DYRK4: variants seen among roughly 807,000 people sequenced by gnomAD.
DYRK4 encodes dual specificity tyrosine-phosphorylation-regulated kinase 4.
DYRK4 carries 64 observed loss-of-function variants against 68.3 expected under a neutral mutation model. The observed-to-expected ratio is 0.94, with a 90% CI of 0.77 to 1.15. The LOEUF is 1.15. DYRK4 is among the 50% of genes most tolerant of loss of function. The pLI, the probability that DYRK4 is intolerant of heterozygous loss-of-function variation, is 0.00. For missense variants in DYRK4, 740 were observed against 764.7 expected, an observed-to-expected ratio of 0.97 and a Z score of 0.38; for synonymous variants, 274 against 289.9, an observed-to-expected ratio of 0.95 and a Z score of 0.56.
At chr12:4,592,025 T>A (rs978592058) in intron 5 of DYRK4, among the ~76,000 whole-genome samples, 1 of 151,760 alleles carries the variant, frequency 6.6e-6, no homozygotes, top group Non-Finnish European at 1.5e-5. Flanking sequence ...AGAGCCCAAA[T>A]CCACCGAGCA....
intron 8 of DYRK4, 145 bp from the exon 9 acceptor site, chr12:4,598,883 A>G (rs2137381568): frequency 1.2e-6 from 1 of 844,438 alleles, no homozygotes; most frequent in Non-Finnish European, 1.9e-6. Flanking sequence ...AGCTGAGTCT[A>G]TAAGGGCATG....
In DYRK4 at chr12:4,610,251, C is replaced by T. The variant is rs779385374; in HGVS notation, c.1457C>T (p.Thr486Ile). 1.0e-5 allele frequency: 16 copies of T among 1,588,512 alleles called. No homozygotes were observed. In the East Asian group the frequency reaches 1.9e-4, roughly 18 times the overall value. ...DLTMVLKTYD[T>I]SFLDFLRRCL... ...ACGATGGTGCTGAAAACCTATGACA[C>T]CAGCTTCCTGGACTTTCTCAGAAGG... is the stretch of plus-strand genomic sequence containing the variant. Residue 486 changes from threonine to isoleucine, a missense_variant, in exon 13 of 15, where the codon ACC becomes ATC. Physicochemically the swap from Thr to Ile is moderately conservative, Grantham distance 89. Coordinates refer to ENST00000543431, the MANE Select transcript of DYRK4 (RefSeq NM_001394779.1).
At chr12:4,585,439 T>C (rs1944886486) in intron 2 of DYRK4, among the ~76,000 whole-genome samples, 1 of 152,352 alleles carries the variant, frequency 6.6e-6, no homozygotes, top group Non-Finnish European at 1.5e-5. Flanking sequence ...AATGGTATAC[T>C]ATGCAGCCAT....
intron 5 of DYRK4, among the ~76,000 whole-genome samples, chr12:4,592,185 C>A (rs1944963819): frequency 6.6e-6 from 1 of 152,196 alleles, no homozygotes; most frequent in Non-Finnish European, 1.5e-5. Flanking sequence ...CACAGAGCTG[C>A]CATCTGCCCC....
intron 2 of DYRK4, among the ~76,000 whole-genome samples, chr12:4,585,739 G>T: frequency 6.6e-6 from 1 of 152,170 alleles, no homozygotes; most frequent in East Asian, 1.9e-4. Flanking sequence ...TAACAAACCT[G>T]CACGTTGTGC....
chr12:4,590,528 G>A, intron 4 of DYRK4, 88 bp downstream of exon 4: 1 of 1,492,270 alleles, frequency 6.7e-7, no homozygotes, highest in Non-Finnish European at 8.9e-7. Context: ...CAGGATAGTG[G>A]GGAAAAGCAC....
chr12:4,589,072 G>A, intron 3 of DYRK4, 55 bp downstream of exon 3: 3 of 1,502,890 alleles, frequency 2.0e-6, no homozygotes, highest in Non-Finnish European at 2.7e-6. Context: ...AGAGGTGGGT[G>A]GCCAGGGTAG....
intron 6 of DYRK4, among the ~76,000 whole-genome samples, chr12:4,594,709 C>CTTT (rs57307639): frequency 6.8e-6 from 1 of 146,324 alleles, no homozygotes; most frequent in Non-Finnish European, 1.5e-5. Context: ...TTAGAAAAGC[C>CTTT]TTTTTTTTTT....
At chr12:4,594,516 G>A (rs771985975) in intron 6 of DYRK4, among the ~76,000 whole-genome samples, 2 of 152,150 alleles carry the variant, frequency 1.3e-5, no homozygotes, top group East Asian at 1.9e-4. Context: ...GAGCCACTGC[G>A]CCTGGCTGGG....
chr12:4,564,114 A>G (rs1944654361), intron 1 of DYRK4, among the ~76,000 whole-genome samples: 1 of 152,202 alleles, frequency 6.6e-6, no homozygotes, highest in African/African-American at 2.4e-5. Flanking sequence ...TCAGGGATAT[A>G]TGCAGAGGGT....
In DYRK4 at chr12:4,613,760, C is replaced by G. The variant is rs1945258035; in HGVS notation, c.*7C>G. The G allele has an allele frequency of 4.5e-6, 7 of 1,541,716 alleles. No homozygotes were observed. Among genetic ancestry groups the G allele is most frequent in the Non-Finnish European group, 6.2e-6 (7 of 1,136,900 alleles). ...TTTACCCCCTATTGTATGACCTTTG[C>G]TGAGGGTATGTCCTGCTCCTTTCCA... On this transcript the variant is annotated 3_prime_UTR_variant, in exon 15 of 15. Coordinates refer to ENST00000543431, the MANE Select transcript of DYRK4 (RefSeq NM_001394779.1). This position sits in a 1 kb window ranked among gnomAD's most constrained non-coding sequence, Gnocchi z 4.0.
intron 13 of DYRK4, 183 bp downstream of exon 13, chr12:4,610,467 A>C (rs1397247040): frequency 3.7e-6 from 2 of 540,964 alleles, no homozygotes; most frequent in African/African-American, 3.9e-5. Flanking sequence ...ATCTCTCCCT[A>C]CTGTGTGGTT....
intron 12 of DYRK4, among the ~76,000 whole-genome samples, chr12:4,609,476 A>G (rs2137407520): frequency 6.6e-6 from 1 of 152,290 alleles, no homozygotes; most frequent in East Asian, 1.9e-4. Flanking sequence ...TGGGCTGCCA[A>G]CTGCTCCTCT....
intron 1 of DYRK4, among the ~76,000 whole-genome samples, chr12:4,564,838 A>AT: frequency 6.6e-6 from 1 of 152,350 alleles, no homozygotes; most frequent in Non-Finnish European, 1.5e-5. Context: ...AAAATGCAGG[A>AT]TCACCATCTA....
At chr12:4,602,605 G>T in intron 10 of DYRK4, 1 of 1,336,098 alleles carries the variant, frequency 7.5e-7, no homozygotes, top group Non-Finnish European at 1.1e-6. Flanking sequence ...CTTTGCTGCA[G>T]AATCTTCTTT....
Position 4,593,036 on chromosome 12 carries a change from A to C in DYRK4, c.498A>C (p.Pro166=). The change falls in exon 6 of 15, where the codon CCA becomes CCC. Residue 166 remains proline, a synonymous_variant. Transcript: ENST00000543431. ...AGCTTTTTAAGAACCAGCTGTCTCC[A>C]TATGAACAAAGTGAAATCCTGGGCT... is the stretch of plus-strand genomic sequence containing the variant. The part of the protein sequence containing the change: ...ALKLFKNQLS[P]YEQSEILGYA... The C allele has an allele frequency of 6.2e-7, 1 of 1,614,216 alleles. No individual in the cohort carries two copies. The highest frequency in any genetic ancestry group is 8.5e-7 in the Non-Finnish European group (1 of 1,180,036).
At chr12:4,595,788 T>G (rs1020361843) in intron 6 of DYRK4, among the ~76,000 whole-genome samples, 1 of 152,216 alleles carries the variant, frequency 6.6e-6, no homozygotes, top group Non-Finnish European at 1.5e-5. Context: ...GGCCGCTTTT[T>G]CCAACCCTCT....
chr12:4,563,022 G>A (rs374617014), intron 1 of DYRK4: 14 of 455,782 alleles, frequency 3.1e-5, no homozygotes, highest in Non-Finnish European at 5.7e-5. Context: ...GCAACGGACA[G>A]CATCACCAAT....
Position 4,590,332 on chromosome 12 carries a change from C to T in DYRK4, c.216C>T (p.Asn72=), listed in dbSNP as rs1470153392. Residue 72 remains asparagine, a splice_region_variant and synonymous_variant, in exon 4 of 15, where the codon AAC becomes AAT. Transcript: ENST00000543431. ...NSRMTQVFHK[N]TSVTSLPFVD... ...ACATGCAATTTCTCCTTCTACAGAA[C>T]ACCAGTGTTACTTCACTCCCCTTTG... The T allele has an allele frequency of 6.5e-7, 1 of 1,534,232 alleles. No homozygotes were observed. Among genetic ancestry groups the T allele is most frequent in the African/African-American group, 1.4e-5 (1 of 73,084 alleles).
Sources: allele counts gnomAD v4.1 joint callset (sites outside exome capture counted in the v4.1 genomes callset), GRCh38; gene constraint gnomAD v4.1.1; non-coding constraint Gnocchi (gnomAD v3.1); transcripts MANE v1.5; gene names NCBI Gene and HGNC (gene_info 2026-07-23, HGNC 2026-07-21).